Variants in DPYD observed in about 807,000 individuals in gnomAD.
DPYD encodes the protein dihydropyrimidine dehydrogenase.
DPYD carries 109 observed loss-of-function variants against 116.2 expected under a neutral mutation model. The ratio of observed to expected loss-of-function variants is 0.94; its 90% CI spans 0.80 to 1.10. The LOEUF (loss-of-function observed/expected upper bound fraction) is 1.10. Among genes scored for constraint, DPYD ranks in the 50% least tolerant of loss-of-function variants. The pLI, the probability that DPYD is intolerant of heterozygous loss-of-function variation, is 0.00. For missense variants in DPYD, 1,302 were observed against 1,254.5 expected, an observed-to-expected ratio of 1.04 and a Z score of -0.57; for synonymous variants, 440 against 432.0, an observed-to-expected ratio of 1.02 and a Z score of -0.23.
chr1:97,202,125 A>T (rs962223324), intron 19 of DPYD, among the ~76,000 whole-genome samples: 3 of 152,180 alleles, frequency 2.0e-5, no homozygotes, highest in African/African-American at 7.2e-5. Flanking sequence ...AAAAAAGAAC[A>T]ACAAACGAAT....
intron 14 of DPYD, among the ~76,000 whole-genome samples, chr1:97,392,407 G>T (rs28526496): frequency 0.19 from 29,008 of 151,234 alleles, 2,956 homozygotes; most frequent in South Asian, 0.37. Context: ...TATGCTGGAG[G>T]GCAGTGGTGG....
At position 97,920,775 on chromosome 1, in the gene DPYD, C is replaced by T. The variant is rs1194142412; in HGVS notation, c.39+109G>A. 8 of 1,442,724 alleles carry T rather than the reference C, an allele frequency of 5.5e-6. No homozygotes were observed. In the African/African-American group the frequency reaches 5.7e-5, roughly 10 times the overall value. 89.4% of individuals were successfully genotyped at this position (1,442,724 alleles called of 1,614,324 possible). A position where few individuals can be genotyped will look rare whatever the true frequency, so the allele number is the denominator to read the frequency against. ...AGCTCCCACGGGGGAAACTTTCCCG[C>T]GTCTCTCACTCTCCGGGGTGCGGGG... On this transcript the variant is annotated intron_variant, in intron 1 of 22. Transcript: ENST00000370192.
intron 6 of DPYD, among the ~76,000 whole-genome samples, chr1:97,695,959 A>T (rs1661277926): frequency 6.6e-6 from 1 of 151,710 alleles, no homozygotes; most frequent in South Asian, 2.1e-4. Flanking sequence ...ATGAAATCCC[A>T]TCTTTATTAA....
chr1:97,280,380 T>C (rs796686241), intron 18 of DPYD, among the ~76,000 whole-genome samples: 1 of 152,132 alleles, frequency 6.6e-6, no homozygotes, highest in African/African-American at 2.4e-5. Context: ...ATCCAAAAGA[T>C]AATGCAATCA....
chr1:97,529,782 TC>T (rs1649451916), intron 12 of DPYD, among the ~76,000 whole-genome samples: 4 of 148,084 alleles, frequency 2.7e-5, no homozygotes, highest in African/African-American at 1.0e-4. Flanking sequence ...TCTTTCTTTC[TC>T]TTTTTCTTTT....
At chr1:97,171,841 A>G (rs976569132) in intron 20 of DPYD, among the ~76,000 whole-genome samples, 2 of 152,310 alleles carry the variant, frequency 1.3e-5, no homozygotes, top group Middle Eastern at 3.4e-3. Flanking sequence ...ACATCATTGC[A>G]TGGAAAAAGC....
intron 8 of DPYD, among the ~76,000 whole-genome samples, chr1:97,660,515 G>A (rs1659192524): frequency 6.6e-6 from 1 of 151,974 alleles, no homozygotes; most frequent in Admixed American, 6.6e-5. Flanking sequence ...AATTAACAAT[G>A]TAATGTCCCT....
intron 20 of DPYD, among the ~76,000 whole-genome samples, chr1:97,172,712 A>G (rs2101773262): frequency 6.6e-6 from 1 of 152,328 alleles, no homozygotes; most frequent in African/African-American, 2.4e-5. Context: ...ACGACACCCA[A>G]AAGCACAAAC....
At chr1:97,322,410 A>G (rs1194024466) in intron 16 of DPYD, among the ~76,000 whole-genome samples, 1 of 151,914 alleles carries the variant, frequency 6.6e-6, no homozygotes. Flanking sequence ...GTAAATACTC[A>G]AAACTAAATA....
chr1:97,276,123 C>T (rs569163055), intron 18 of DPYD, among the ~76,000 whole-genome samples: 3 of 152,252 alleles, frequency 2.0e-5, no homozygotes, highest in Admixed American at 2.0e-4. Context: ...TCTATATCTT[C>T]ATTTGGATGT....
At chr1:97,764,882 A>C (rs1339584319) in intron 3 of DPYD, among the ~76,000 whole-genome samples, 1 of 152,154 alleles carries the variant, frequency 6.6e-6, no homozygotes, top group African/African-American at 2.4e-5. Context: ...TATACATTCA[A>C]TGAATATTTG....
chr1:97,154,430 G>A (rs754856512), intron 20 of DPYD, among the ~76,000 whole-genome samples: 4 of 152,202 alleles, frequency 2.6e-5, no homozygotes, highest in South Asian at 4.2e-4. Flanking sequence ...CTGATAATTG[G>A]GGGCTAAGCT....
At chr1:97,196,022 G>T (rs1282745679) in intron 19 of DPYD, among the ~76,000 whole-genome samples, 1 of 151,966 alleles carries the variant, frequency 6.6e-6, no homozygotes, top group Non-Finnish European at 1.5e-5. Flanking sequence ...ATGCAGCCAG[G>T]TCACATTTCT....
chr1:97,671,783 G>A (rs190962949), intron 8 of DPYD, among the ~76,000 whole-genome samples: 5 of 152,046 alleles, frequency 3.3e-5, no homozygotes, highest in African/African-American at 1.2e-4. Context: ...GGTGACAGGG[G>A]AGGGATATAT....
chr1:97,146,311 A>G (rs946424708), intron 20 of DPYD, among the ~76,000 whole-genome samples: 1 of 152,216 alleles, frequency 6.6e-6, no homozygotes, highest in Non-Finnish European at 1.5e-5. Flanking sequence ...ATACTTTCTC[A>G]TCTAAACCAG....
At chr1:97,176,978 C>T (rs750803279) in intron 20 of DPYD, among the ~76,000 whole-genome samples, 5 of 151,936 alleles carry the variant, frequency 3.3e-5, no homozygotes, top group African/African-American at 4.8e-5. Flanking sequence ...GCCTTTGCCA[C>T]GCTTTATGCC....
intron 4 of DPYD, among the ~76,000 whole-genome samples, chr1:97,739,597 C>T (rs1408369776): frequency 6.6e-6 from 1 of 152,012 alleles, no homozygotes; most frequent in Non-Finnish European, 1.5e-5. Flanking sequence ...TGTTGAAGAA[C>T]GAGGAGTTAA....
At chr1:97,898,467 A>G (rs1316885408) in intron 1 of DPYD, among the ~76,000 whole-genome samples, 1 of 151,944 alleles carries the variant, frequency 6.6e-6, no homozygotes, top group Non-Finnish European at 1.5e-5. Context: ...AGGATAAACT[A>G]GAAAAATATT....
rs1046668231 is a variant in DPYD at position 97,495,167 on chromosome 1, G to A, written c.1740+20559C>T. Among the ~76,000 whole-genome samples, 8 of 152,208 alleles carry A rather than the reference G, an allele frequency of 5.3e-5. No individual in the cohort carries two copies. In the East Asian group the frequency reaches 1.5e-3, roughly 29 times the overall value. On this transcript the variant is annotated intron_variant, in intron 13 of 22. Coordinates refer to ENST00000370192, the MANE Select transcript of DPYD (RefSeq NM_000110.4). The stretch of plus-strand genomic sequence containing the variant: ...GGAAGAGGTTGGTGGGAGGAATTAA[G>A]ACTAAGAGAAAGTTAAGATGAGAGA...
Sources: allele counts gnomAD v4.1 joint callset (sites outside exome capture counted in the v4.1 genomes callset), GRCh38; gene constraint gnomAD v4.1.1; transcripts MANE v1.5; gene names NCBI Gene and HGNC (gene_info 2026-07-23, HGNC 2026-07-21).